Variants in NSRP1 observed in about 807,000 individuals in gnomAD.
The protein encoded by NSRP1 is coiled-coil domain containing 55.
Under a neutral mutation model 54.7 loss-of-function variants are expected in NSRP1, and 24 were observed. That is an observed-to-expected ratio of 0.44 (90% CI 0.32 to 0.62). The LOEUF is 0.62. Among genes scored for constraint, NSRP1 ranks in the 20% least tolerant of loss-of-function variants. The pLI, the probability that NSRP1 is intolerant of heterozygous loss-of-function variation, is 0.06. For synonymous variants in NSRP1, 210 were observed against 213.8 expected (o/e 0.98, Z 0.15); for missense variants, 596 against 651.2 (o/e 0.92, Z 0.92).
At chr17:30,124,256 C>T (rs1328615987) in intron 2 of NSRP1, among the ~76,000 whole-genome samples, 2 of 152,178 alleles carry the variant, frequency 1.3e-5, no homozygotes, top group Non-Finnish European at 2.9e-5. Context: ...GAGGGAGATC[C>T]TGTCTCTAAA....
At chr17:30,174,302 C>A (rs894720229) in intron 3 of NSRP1, among the ~76,000 whole-genome samples, 8 of 152,162 alleles carry the variant, frequency 5.3e-5, no homozygotes, top group African/African-American at 1.9e-4. Flanking sequence ...CACCTTTCAC[C>A]TGCTTTCTGC....
intron 2 of NSRP1, among the ~76,000 whole-genome samples, chr17:30,138,555 TAAC>T (rs1216785259): frequency 6.6e-6 from 1 of 152,124 alleles, no homozygotes; most frequent in Non-Finnish European, 1.5e-5. Context: ...TAGGGAATAA[TAAC>T]AAGGAAAAAA....
intron 6 of NSRP1, among the ~76,000 whole-genome samples, chr17:30,182,048 CTT>C (rs10549815): frequency 0.46 from 45,035 of 98,454 alleles, 9,919 homozygotes; most frequent in East Asian, 0.79. Context: ...CACCTGGCTG[CTT>C]TTTTTTTTTT....
At chr17:30,160,837 C>T (rs937446425) in intron 2 of NSRP1, among the ~76,000 whole-genome samples, 3 of 152,112 alleles carry the variant, frequency 2.0e-5, no homozygotes, top group Non-Finnish European at 4.4e-5. Flanking sequence ...ATTTGTTATA[C>T]ATTATGAAAA....
At chr17:30,172,218 GTAT>G (rs1184888960) in intron 2 of NSRP1, among the ~76,000 whole-genome samples, 2 of 151,996 alleles carry the variant, frequency 1.3e-5, no homozygotes, top group Non-Finnish European at 2.9e-5. Flanking sequence ...AGTTTAATTT[GTAT>G]TATTATCTTT....
intron 2 of NSRP1, chr17:30,163,127 C>T (rs975616531): frequency 6.6e-6 from 1 of 151,644 alleles, no homozygotes; most frequent in Non-Finnish European, 1.5e-5. Flanking sequence ...TCAAGTGATC[C>T]AGCCGCCTCA....
In NSRP1 at chr17:30,185,761, C is replaced by A; in HGVS notation, c.*87C>A. 3 of 1,375,086 alleles carry A rather than the reference C, an allele frequency of 2.2e-6. No homozygotes were observed. The highest frequency in any genetic ancestry group is 1.7e-5 in the South Asian group (1 of 58,858). The allele number at this position is 1,375,086 out of a possible 1,614,324, so 85.2% of individuals were successfully genotyped here. A position where few individuals can be genotyped will look rare whatever the true frequency, so the allele number is the denominator to read the frequency against. ...CGTAAAACCATAAAGGAGTGTGTTA[C>A]CAGTAGTTTGGAGGGCATTTTTAAA... On this transcript the variant is annotated 3_prime_UTR_variant, in exon 7 of 7. Coordinates refer to ENST00000247026, the MANE Select transcript of NSRP1 (RefSeq NM_032141.4).
At chr17:30,163,676 CCACTTTTTTTT>C (rs1406785997) in intron 2 of NSRP1, among the ~76,000 whole-genome samples, 12,084 of 142,472 alleles carry the variant, frequency 0.085, 1,544 homozygotes, top group African/African-American at 0.29. Context: ...TATACTTTGA[CCACTTTTTTTT>C]TTTTTTTTTT....
intron 2 of NSRP1, among the ~76,000 whole-genome samples, chr17:30,142,966 C>T (rs781195383): frequency 1.3e-5 from 2 of 152,158 alleles, no homozygotes; most frequent in Non-Finnish European, 2.9e-5. Context: ...TCTCATTGCA[C>T]TCTTTTTACT....
intron 2 of NSRP1, among the ~76,000 whole-genome samples, chr17:30,171,970 ACACTCCCT>A (rs1439094158): frequency 7.1e-4 from 70 of 99,148 alleles, no homozygotes; most frequent in African/African-American, 2.3e-3. Context: ...ACACACACAC[ACACTCCCT>A]CTCTCTCTCT....
In NSRP1 at chr17:30,163,247, GTT is replaced by G. The variant is rs398030624; in HGVS notation, c.115-9291_115-9290del. 297 of 123,910 alleles carry G rather than the reference GTT, an allele frequency of 2.4e-3. 4 individuals are homozygous for G. The highest frequency in any genetic ancestry group is 0.01 in the African/African-American group (281 of 27,016). 7.7% of individuals were successfully genotyped at this position (123,910 alleles called of 1,614,324 possible). On this transcript the variant is annotated intron_variant, in intron 2 of 6. Transcript: ENST00000247026. ...TGTGTGTGTGTGTGTGTGTGTGTGT[GTT>G]TTTAGTAGAGACGGGGTTTTACCAT...
intron 2 of NSRP1, among the ~76,000 whole-genome samples, chr17:30,167,952 C>T (rs1056090044): frequency 9.9e-5 from 15 of 152,128 alleles, no homozygotes; most frequent in Middle Eastern, 3.2e-3. Flanking sequence ...CTCAGCTTTA[C>T]GTTTTCAGAG....
In NSRP1 at chr17:30,116,875, G is replaced by T; in HGVS notation, c.20+12G>T. 1 of 1,571,230 alleles carries T rather than the reference G, an allele frequency of 6.4e-7. No homozygotes were observed. The highest frequency in any genetic ancestry group is 1.9e-5 in the Admixed American group (1 of 53,190). ...ATTCCGGGCAGGCAGTGAGTGATCCGGGAGTTAGGGTCAGGCTGGGGGATG... is the reference window on the plus strand; with the variant it reads ...ATTCCGGGCAGGCAGTGAGTGATCCTGGAGTTAGGGTCAGGCTGGGGGATG... On this transcript the variant is annotated intron_variant, in intron 1 of 6. Transcript: ENST00000247026.
chr17:30,183,217 G>GC (rs1905376354), intron 6 of NSRP1, among the ~76,000 whole-genome samples: 1 of 126,740 alleles, frequency 7.9e-6, no homozygotes, highest in African/African-American at 2.5e-5. Context: ...TCTGTCCTAA[G>GC]CAAAAAAAAA....
chr17:30,169,596 G>A (rs1257414407), intron 2 of NSRP1, among the ~76,000 whole-genome samples: 4 of 151,960 alleles, frequency 2.6e-5, no homozygotes, highest in Non-Finnish European at 4.4e-5. Flanking sequence ...CAGAAATTTG[G>A]ATTAAATCAG....
At chr17:30,147,903 C>T (rs2071872281) in intron 2 of NSRP1, among the ~76,000 whole-genome samples, 2 of 151,992 alleles carry the variant, frequency 1.3e-5, no homozygotes, top group Non-Finnish European at 2.9e-5. Flanking sequence ...CCTCTGCTTC[C>T]CGGGTTCAAG....
intron 2 of NSRP1, among the ~76,000 whole-genome samples, chr17:30,149,901 C>T (rs930145752): frequency 1.3e-5 from 2 of 151,606 alleles, no homozygotes; most frequent in Non-Finnish European, 2.9e-5. Context: ...ATTGTGCAGC[C>T]ATCATCACTA....
intron 6 of NSRP1, among the ~76,000 whole-genome samples, chr17:30,184,207 A>G (rs910021246): frequency 1.3e-5 from 2 of 152,208 alleles, no homozygotes; most frequent in African/African-American, 4.8e-5. Context: ...ATAAATAAAT[A>G]AGAAAGGAAA....
intron 4 of NSRP1, among the ~76,000 whole-genome samples, chr17:30,178,658 G>GT (rs1464648653): frequency 6.6e-6 from 1 of 152,064 alleles, no homozygotes; most frequent in Non-Finnish European, 1.5e-5. Context: ...ATCAACTCTT[G>GT]TTCTTTCACA....
Sources: allele counts gnomAD v4.1 joint callset (sites outside exome capture counted in the v4.1 genomes callset), GRCh38; gene constraint gnomAD v4.1.1; transcripts MANE v1.5; gene names NCBI Gene and HGNC (gene_info 2026-07-23, HGNC 2026-07-21).